Variants in PLPP1 observed in about 807,000 individuals in gnomAD.
PLPP1 encodes phospholipid phosphatase 1.
A neutral mutation model predicts 31.2 loss-of-function variants in PLPP1; 24 were observed. That is an observed-to-expected ratio of 0.77 (90% confidence interval 0.56 to 1.08). The LOEUF (loss-of-function observed/expected upper bound fraction) is 1.08, where lower values mean the gene tolerates loss of function less well. Ranked by LOEUF, PLPP1 falls within the 50% of genes least tolerant of loss-of-function variation. The probability of loss-of-function intolerance (pLI) is 0.00; values close to 1 mark genes in which losing one functional copy is unlikely to be tolerated. For missense variants in PLPP1, 319 were observed against 342.7 expected, an observed-to-expected ratio of 0.93 and a Z score of 0.55; for synonymous variants, 146 against 126.3, an observed-to-expected ratio of 1.16 and a Z score of -1.05.
intron 4 of PLPP1, among the ~76,000 whole-genome samples, chr5:55,436,977 A>AG (rs1751506853): frequency 6.6e-6 from 1 of 152,184 alleles, no homozygotes; most frequent in Admixed American, 6.5e-5. Flanking sequence ...TAAGAGATCC[A>AG]GGGGAGCTCC....
At chr5:55,492,901 C>T (rs1027380051) in intron 1 of PLPP1, among the ~76,000 whole-genome samples, 10 of 152,104 alleles carry the variant, frequency 6.6e-5, no homozygotes, top group South Asian at 2.1e-4. Flanking sequence ...AGGGAATATA[C>T]GGCCTCCCAT....
intron 1 of PLPP1, among the ~76,000 whole-genome samples, chr5:55,479,127 C>T (rs1752620160): frequency 1.3e-5 from 2 of 151,324 alleles, no homozygotes; most frequent in Admixed American, 6.6e-5. Context: ...CGGGTTCAAG[C>T]GATTCTCCTG....
chr5:55,450,603 A>G (rs1751871234), intron 3 of PLPP1, among the ~76,000 whole-genome samples: 1 of 152,182 alleles, frequency 6.6e-6, no homozygotes. Context: ...GGCTGCTGAC[A>G]AAAAGGGTAA....
At chr5:55,446,233 T>G (rs1751761644) in intron 3 of PLPP1, among the ~76,000 whole-genome samples, 1 of 152,222 alleles carries the variant, frequency 6.6e-6, no homozygotes, top group Non-Finnish European at 1.5e-5. Flanking sequence ...GTAAGACCTT[T>G]GCATTCTATT....
intron 1 of PLPP1, among the ~76,000 whole-genome samples, chr5:55,534,306 G>A (rs914451702): frequency 4.6e-5 from 7 of 152,154 alleles, no homozygotes; most frequent in Non-Finnish European, 7.4e-5. Flanking sequence ...CAGAGGACAG[G>A]AGCAAGGTAT....
intron 1 of PLPP1, among the ~76,000 whole-genome samples, chr5:55,520,980 C>A (rs557739247): frequency 7.2e-5 from 11 of 152,066 alleles, no homozygotes; most frequent in African/African-American, 1.9e-4. Context: ...AGGAGGCTGA[C>A]GCAGTAGGAT....
intron 4 of PLPP1, among the ~76,000 whole-genome samples, chr5:55,426,601 T>TCTC (rs1751203762): frequency 6.7e-6 from 1 of 149,858 alleles, no homozygotes; most frequent in African/African-American, 2.5e-5. Flanking sequence ...GAGATGGGGG[T>TCTC]CTCACTGTGT....
chr5:55,476,237 G>A (rs533095820), intron 1 of PLPP1, among the ~76,000 whole-genome samples: 2 of 151,720 alleles, frequency 1.3e-5, no homozygotes, highest in Non-Finnish European at 2.9e-5. Context: ...GGCTGATCTT[G>A]AACTCCTGAG....
At chr5:55,469,864 G>C (rs1413069466) in intron 2 of PLPP1, among the ~76,000 whole-genome samples, 1 of 152,160 alleles carries the variant, frequency 6.6e-6, no homozygotes, top group Non-Finnish European at 1.5e-5. Context: ...AAGGTAAGGA[G>C]GATTTCTTAA....
At chr5:55,470,091 A>ACT (rs1246411431) in intron 2 of PLPP1, among the ~76,000 whole-genome samples, 1 of 152,210 alleles carries the variant, frequency 6.6e-6, no homozygotes, top group Non-Finnish European at 1.5e-5. Flanking sequence ...AACTATATGT[A>ACT]CTTCCAAGAA....
chr5:55,482,472 C>T (rs1752692190), intron 1 of PLPP1, among the ~76,000 whole-genome samples: 2 of 152,100 alleles, frequency 1.3e-5, no homozygotes, highest in African/African-American at 2.4e-5. Flanking sequence ...TTACATGCCA[C>T]TAAGGTTACA....
chr5:55,434,975 G>C (rs763105331), intron 4 of PLPP1, among the ~76,000 whole-genome samples: 2 of 152,134 alleles, frequency 1.3e-5, no homozygotes, highest in African/African-American at 2.4e-5. Context: ...TGTTGAATGG[G>C]AGAAAATATT....
chr5:55,458,313 G>A (rs780119340), intron 3 of PLPP1, among the ~76,000 whole-genome samples: 2 of 151,924 alleles, frequency 1.3e-5, no homozygotes, highest in African/African-American at 4.8e-5. Context: ...TTAACTCCCA[G>A]GTTAATCTAT....
At chr5:55,462,526 T>C (rs1752188137) in intron 3 of PLPP1, among the ~76,000 whole-genome samples, 1 of 151,940 alleles carries the variant, frequency 6.6e-6, no homozygotes, top group Non-Finnish European at 1.5e-5. Flanking sequence ...AAATAAATCA[T>C]AAAACTTATT....
At chr5:55,530,465 T>C in intron 1 of PLPP1, 1 of 1,238,126 alleles carries the variant, frequency 8.1e-7, no homozygotes, top group Non-Finnish European at 1.2e-6. Flanking sequence ...CTTGGTAAGT[T>C]TCTGTGTTAT....
chr5:55,448,122 C>CTT (rs893070613), intron 3 of PLPP1, among the ~76,000 whole-genome samples: 13 of 152,260 alleles, frequency 8.5e-5, no homozygotes, highest in African/African-American at 2.6e-4. Context: ...TGAACATAAA[C>CTT]TTTTCCTAAG....
intron 3 of PLPP1, among the ~76,000 whole-genome samples, chr5:55,463,042 G>C (rs143739418): frequency 3.9e-5 from 6 of 152,006 alleles, no homozygotes; most frequent in Non-Finnish European, 7.4e-5. Context: ...GCAGGGACAC[G>C]CATGAAGCTG....
At chr5:55,478,104 A>C (rs531514909) in intron 1 of PLPP1, among the ~76,000 whole-genome samples, 1 of 152,174 alleles carries the variant, frequency 6.6e-6, no homozygotes, top group Non-Finnish European at 1.5e-5. Context: ...CACATGCCCA[A>C]ATGTATTTAG....
At chr5:55,480,352 T>A (rs1176551700) in intron 1 of PLPP1, among the ~76,000 whole-genome samples, 1 of 152,052 alleles carries the variant, frequency 6.6e-6, no homozygotes, top group African/African-American at 2.4e-5. Flanking sequence ...ATTCAATGGT[T>A]TTGGTAAATT....
Sources: allele counts gnomAD v4.1 joint callset (sites outside exome capture counted in the v4.1 genomes callset), GRCh38; gene constraint gnomAD v4.1.1; transcripts MANE v1.5; gene names NCBI Gene and HGNC (gene_info 2026-07-23, HGNC 2026-07-21).